The following HDAC9 variants were observed in gnomAD, a reference collection of about 807,000 sequenced individuals.
HDAC9 encodes the protein MEF-2 interacting transcription repressor (MITR) protein.
Under a neutral mutation model 139.4 loss-of-function variants are expected in HDAC9, and 41 were observed. The observed-to-expected ratio is 0.29, with a 90% CI of 0.23 to 0.38. The LOEUF (loss-of-function observed/expected upper bound fraction) is 0.38, where lower values mean the gene tolerates loss of function less well. Among genes scored for constraint, HDAC9 ranks in the 10% least tolerant of loss-of-function variants. HDAC9 has a pLI of 1.00. For synonymous variants in HDAC9, 517 were observed against 476.2 expected (o/e 1.09, Z -1.12); for missense variants, 1,147 against 1,297.0 (o/e 0.88, Z 1.78).
At chr7:18,376,727 G>T (rs1394278922) in intron 1 of HDAC9, among the ~76,000 whole-genome samples, 1 of 152,038 alleles carries the variant, frequency 6.6e-6, no homozygotes, top group East Asian at 2.0e-4. Context: ...GATTAACACT[G>T]TATCTCTAGC....
chr7:18,747,791 T>G (rs10224035), intron 13 of HDAC9, among the ~76,000 whole-genome samples: 5,168 of 152,300 alleles, frequency 0.034, 294 homozygotes, highest in African/African-American at 0.12. Context: ...CCACATGGTT[T>G]CAAAATGCAG....
chr7:18,277,903 A>G (rs1796850279), intron 2 of HDAC9, among the ~76,000 whole-genome samples: 1 of 152,210 alleles, frequency 6.6e-6, no homozygotes, highest in Non-Finnish European at 1.5e-5. Flanking sequence ...ACTATCCCAG[A>G]GATCAAGTTT....
chr7:18,340,323 C>T (rs1781907446), intron 1 of HDAC9, among the ~76,000 whole-genome samples: 1 of 151,496 alleles, frequency 6.6e-6, no homozygotes, highest in South Asian at 2.1e-4. Context: ...CTGGTAATCT[C>T]CACCTTTAAA....
At chr7:18,347,384 A>G (rs1276671096) in intron 1 of HDAC9, among the ~76,000 whole-genome samples, 3 of 152,104 alleles carry the variant, frequency 2.0e-5, no homozygotes, top group Non-Finnish European at 4.4e-5. Flanking sequence ...GGGGAGGCTT[A>G]GGGGAGGATG....
At chr7:18,156,919 C>T (rs897463899) in intron 1 of HDAC9, among the ~76,000 whole-genome samples, 1 of 151,974 alleles carries the variant, frequency 6.6e-6, no homozygotes, top group Non-Finnish European at 1.5e-5. Context: ...TAAATTGTTT[C>T]TATAAAAAAA....
At chr7:18,383,919 G>A (rs1785673730) in intron 1 of HDAC9, among the ~76,000 whole-genome samples, 1 of 151,134 alleles carries the variant, frequency 6.6e-6, no homozygotes, top group Non-Finnish European at 1.5e-5. Flanking sequence ...AGAAAGAACT[G>A]ATGAAATTAC....
At chr7:18,519,135 A>G (rs1342367937) in intron 2 of HDAC9, among the ~76,000 whole-genome samples, 1 of 152,244 alleles carries the variant, frequency 6.6e-6, no homozygotes. Context: ...AGCAAAAAAT[A>G]TAGTTTAGAC....
At chr7:18,664,641 C>T (rs539273297) in intron 11 of HDAC9, among the ~76,000 whole-genome samples, 1 of 152,022 alleles carries the variant, frequency 6.6e-6, no homozygotes, top group Non-Finnish European at 1.5e-5. Flanking sequence ...CTGCTTCCCA[C>T]CCCTCACACA....
At chr7:18,178,364 C>T (rs1230039861) in intron 2 of HDAC9, among the ~76,000 whole-genome samples, 6 of 152,222 alleles carry the variant, frequency 3.9e-5, no homozygotes, top group Non-Finnish European at 8.8e-5. Context: ...GGATGACAGG[C>T]GTGAGCCACT....
chr7:18,861,596 A>T (rs1798113989), intron 21 of HDAC9, among the ~76,000 whole-genome samples: 1 of 152,158 alleles, frequency 6.6e-6, no homozygotes, highest in African/African-American at 2.4e-5. Context: ...TACTGTTGAG[A>T]AAAATTTCTC....
intron 2 of HDAC9, among the ~76,000 whole-genome samples, chr7:18,530,029 G>T (rs1272525416): frequency 6.6e-6 from 1 of 152,002 alleles, no homozygotes; most frequent in Non-Finnish European, 1.5e-5. Context: ...CCAGCAATTT[G>T]GGGGGGTGTG....
chr7:18,301,655 A>G (rs1798548128), intron 1 of HDAC9, among the ~76,000 whole-genome samples: 1 of 152,220 alleles, frequency 6.6e-6, no homozygotes, highest in Non-Finnish European at 1.5e-5. Flanking sequence ...GCATGTGTAT[A>G]GAAAAAATCA....
In HDAC9 at chr7:18,186,605, A is replaced by G. The variant is rs1789935565; in HGVS notation, c.25+24256A>G. Among the ~76,000 whole-genome samples, 2 of 152,214 alleles carry G rather than the reference A, an allele frequency of 1.3e-5. 1 individual carries two copies. The highest frequency in any genetic ancestry group is 4.1e-4 in the South Asian group (2 of 4,838). On this transcript the variant is annotated intron_variant, in intron 2 of 12. Transcript: ENST00000417496. ...ATGAAGTGGCTTGAGGAATGTCAGG[A>G]GTGGGAAGCCAGGAAAATTTGTGGT...
At chr7:18,878,164 C>A (rs73320065) in intron 22 of HDAC9, among the ~76,000 whole-genome samples, 1 of 152,082 alleles carries the variant, frequency 6.6e-6, no homozygotes, top group African/African-American at 2.4e-5. Context: ...ACTACCACCC[C>A]CTGGCTTTAT....
intron 13 of HDAC9, among the ~76,000 whole-genome samples, chr7:18,743,922 T>C (rs1787689099): frequency 1.3e-5 from 2 of 151,764 alleles, no homozygotes; most frequent in African/African-American, 4.8e-5. Flanking sequence ...TTTGTGTTTT[T>C]AGGAGATCTT....
chr7:18,324,420 T>C (rs187038685), intron 1 of HDAC9, among the ~76,000 whole-genome samples: 1 of 152,318 alleles, frequency 6.6e-6, no homozygotes. Flanking sequence ...ACCAGTCTCA[T>C]AGGGATGTAA....
intron 12 of HDAC9, among the ~76,000 whole-genome samples, chr7:18,671,479 T>A (rs192786387): frequency 6.6e-6 from 1 of 152,052 alleles, no homozygotes; most frequent in African/African-American, 2.4e-5. Context: ...AGCTTTTACC[T>A]AAGTTCCTCA....
At chr7:18,291,604 G>A (rs1030160477) in intron 1 of HDAC9, among the ~76,000 whole-genome samples, 3 of 152,032 alleles carry the variant, frequency 2.0e-5, no homozygotes, top group African/African-American at 7.2e-5. Flanking sequence ...GGTTGTATCT[G>A]AGCATATTGG....
chr7:18,343,297 A>G (rs1250800045), intron 1 of HDAC9, among the ~76,000 whole-genome samples: 1 of 151,854 alleles, frequency 6.6e-6, no homozygotes, highest in Admixed American at 6.6e-5. Context: ...GCTACTTAAC[A>G]GTAAATACTT....
Sources: allele counts gnomAD v4.1 joint callset (sites outside exome capture counted in the v4.1 genomes callset), GRCh38; gene constraint gnomAD v4.1.1; transcripts MANE v1.5; gene names NCBI Gene and HGNC (gene_info 2026-07-23, HGNC 2026-07-21).